The following GALNT17 variants were observed in gnomAD, a reference collection of about 807,000 sequenced individuals.
GALNT17 encodes UDP-GalNAc:polypeptide N-acetylgalactosaminyltransferase-like 3.
GALNT17 carries 29 observed loss-of-function variants against 63.7 expected under a neutral mutation model. That is an observed-to-expected ratio of 0.46 (90% confidence interval 0.34 to 0.62). The LOEUF (loss-of-function observed/expected upper bound fraction) is 0.62, where lower values mean the gene tolerates loss of function less well. Among genes scored for constraint, GALNT17 ranks in the 20% least tolerant of loss-of-function variants. The pLI, the probability that GALNT17 is intolerant of heterozygous loss-of-function variation, is 0.01. For synonymous variants in GALNT17, 305 were observed against 318.3 expected, an observed-to-expected ratio of 0.96 and a Z score of 0.45; for missense variants, 603 against 799.6, an observed-to-expected ratio of 0.75 and a Z score of 2.97.
At chr7:71,185,502 C>G (rs1278009046) in intron 1 of GALNT17, among the ~76,000 whole-genome samples, 1 of 150,334 alleles carries the variant, frequency 6.7e-6, no homozygotes, top group Non-Finnish European at 1.5e-5. Flanking sequence ...CTGCCCCATT[C>G]TCTAATTTTC....
chr7:71,216,015 C>T (rs2116406307), intron 1 of GALNT17, among the ~76,000 whole-genome samples: 1 of 151,718 alleles, frequency 6.6e-6, no homozygotes, highest in East Asian at 1.9e-4. Flanking sequence ...TTAACACTAG[C>T]CTAGGCAATA....
At chr7:71,175,308 A>T (rs574488818) in intron 1 of GALNT17, among the ~76,000 whole-genome samples, 9 of 152,186 alleles carry the variant, frequency 5.9e-5, no homozygotes, top group Non-Finnish European at 1.0e-4. Flanking sequence ...TATCTGTCTC[A>T]ATTATCTATC....
rs77006178 is a variant in GALNT17, at chr7:71,225,604, G to T, written c.238+92564G>T. On this transcript the variant is annotated intron_variant, in intron 1 of 10. Coordinates refer to ENST00000333538, the MANE Select transcript of GALNT17 (RefSeq NM_022479.3). Reference sequence around the variant, plus strand: ...CCGTACTGTATCTAAGAAACTTCCCGAAATGTCTTGTTCCAGTGGATGACG... The same window carrying T: ...CCGTACTGTATCTAAGAAACTTCCCTAAATGTCTTGTTCCAGTGGATGACG... Among the ~76,000 whole-genome samples, 789 of 152,272 alleles carry T rather than the reference G, an allele frequency of 5.2e-3. 17 individuals carry two copies. In the East Asian group the frequency reaches 0.069, roughly 13 times the overall value.
chr7:71,651,246 G>A (rs1790750424), intron 6 of GALNT17, among the ~76,000 whole-genome samples: 1 of 140,092 alleles, frequency 7.1e-6, no homozygotes. Context: ...AAAAAAGGAA[G>A]GGAGGTGGGG....
At chr7:71,401,192 G>A (rs1361230909) in intron 3 of GALNT17, among the ~76,000 whole-genome samples, 1 of 151,204 alleles carries the variant, frequency 6.6e-6, no homozygotes, top group African/African-American at 2.4e-5. Context: ...CACCTCCCAG[G>A]TTCAAGCGAT....
intron 1 of GALNT17, among the ~76,000 whole-genome samples, chr7:71,195,900 T>A (rs1175252065): frequency 6.6e-6 from 1 of 151,924 alleles, no homozygotes. Context: ...TATAAGCCAA[T>A]GTTTCTTGAC....
chr7:71,511,541 C>T (rs6973578), intron 5 of GALNT17, among the ~76,000 whole-genome samples: 56,502 of 152,080 alleles, frequency 0.37, 11,442 homozygotes, highest in African/African-American at 0.54. Context: ...TGCAAGGCTT[C>T]TCCAGCCCCA....
chr7:71,623,720 GC>G (rs1309870897), intron 6 of GALNT17, among the ~76,000 whole-genome samples: 2 of 152,192 alleles, frequency 1.3e-5, no homozygotes, highest in Non-Finnish European at 2.9e-5. Context: ...ACCGGCGTGA[GC>G]CACCGTGCGT....
intron 5 of GALNT17, among the ~76,000 whole-genome samples, chr7:71,449,876 T>C (rs1787227516): frequency 6.6e-6 from 1 of 151,774 alleles, no homozygotes; most frequent in African/African-American, 2.4e-5. Context: ...ACCCCATCTC[T>C]ACTAAAAATA....
chr7:71,530,470 G>A (rs2116777692), intron 5 of GALNT17, among the ~76,000 whole-genome samples: 1 of 152,124 alleles, frequency 6.6e-6, no homozygotes, highest in South Asian at 2.1e-4. Flanking sequence ...CAGCAGCCTG[G>A]GAGGGACTGG....
chr7:71,148,861 TA>T (rs1453647147), intron 1 of GALNT17, among the ~76,000 whole-genome samples: 8 of 39,894 alleles, frequency 2.0e-4, no homozygotes, highest in East Asian at 2.2e-3. Context: ...ATGGTATTTT[TA>T]TATATATATA....
At chr7:71,310,673 G>A (rs1290541153) in intron 1 of GALNT17, among the ~76,000 whole-genome samples, 1 of 152,140 alleles carries the variant, frequency 6.6e-6, no homozygotes, top group Non-Finnish European at 1.5e-5. Flanking sequence ...CAAGCAGGGT[G>A]GATAGAAAAG....
intron 2 of GALNT17, among the ~76,000 whole-genome samples, chr7:71,345,914 G>A (rs1410258030): frequency 6.6e-6 from 1 of 151,850 alleles, no homozygotes; most frequent in African/African-American, 2.4e-5. Flanking sequence ...TGGGTGTGGG[G>A]GCTCATGCCT....
chr7:71,335,321 CAGAG>C (rs1465607852), intron 1 of GALNT17, among the ~76,000 whole-genome samples: 1 of 151,926 alleles, frequency 6.6e-6, no homozygotes, highest in East Asian at 1.9e-4. Flanking sequence ...TTGGTAGAGA[CAGAG>C]GGAGAGGATT....
intron 2 of GALNT17, 37 bp downstream of exon 2, chr7:71,335,770 G>C (rs1201076721): frequency 2.6e-6 from 4 of 1,545,950 alleles, no homozygotes. Context: ...AGCTTGATGG[G>C]TCGTCAGAGT....
chr7:71,143,020 C>G (rs993685183), intron 1 of GALNT17, among the ~76,000 whole-genome samples: 1 of 151,552 alleles, frequency 6.6e-6, no homozygotes, highest in Non-Finnish European at 1.5e-5. Flanking sequence ...GGTGCTTAGC[C>G]GGTGAGTGCT....
chr7:71,698,596 G>GT lies in GALNT17; in HGVS notation c.1501-12164dup, dbSNP rs144137876. Among the ~76,000 whole-genome samples the GT allele has an allele frequency of 9.8e-3, 1,492 of 152,124 alleles. 30 individuals carry two copies. Among genetic ancestry groups the GT allele is most frequent in the Admixed American group, 0.038 (581 of 15,258 alleles). ...TAAACAATAAAATAATAGAAATGGA[G>GT]TGTGATTTTTAAATCTGTAGAGGGG... On this transcript the variant is annotated intron_variant, in intron 9 of 10. Transcript: ENST00000333538.
chr7:71,300,471 G>A, intron 1 of GALNT17: 1 of 455,818 alleles, frequency 2.2e-6, no homozygotes, highest in Non-Finnish European at 4.4e-6. Flanking sequence ...ACTGGGGGAT[G>A]TTCATGAGCT....
At chr7:71,303,224 A>G (rs1049428813) in intron 1 of GALNT17, among the ~76,000 whole-genome samples, 1 of 151,570 alleles carries the variant, frequency 6.6e-6, no homozygotes, top group African/African-American at 2.4e-5. Flanking sequence ...TGGTGAAATC[A>G]TGGCTCACTG....
Sources: gnomAD v4.1 joint callset for allele counts (sites outside exome capture counted in the v4.1 genomes callset) on GRCh38, gnomAD v4.1.1 for gene constraint, MANE v1.5 for transcripts, NCBI Gene and HGNC (gene_info 2026-07-23, HGNC 2026-07-21) for gene names.